Variants in MRTFB observed in about 807,000 individuals in gnomAD.
The protein encoded by MRTFB is myocardin-related transcription factor B.
In MRTFB, 29 loss-of-function variants were observed where a neutral mutation model predicts 104.2. That is an observed-to-expected ratio of 0.28 (90% CI 0.21 to 0.38). The LOEUF (loss-of-function observed/expected upper bound fraction) is 0.38, where lower values mean the gene tolerates loss of function less well. Among genes scored for constraint, MRTFB ranks in the 10% least tolerant of loss-of-function variants. MRTFB has a pLI of 1.00. For missense variants in MRTFB, 1,270 were observed against 1,341.6 expected (o/e 0.95, Z 0.83); for synonymous variants, 535 against 519.5 (o/e 1.03, Z -0.41).
intron 1 of MRTFB, among the ~76,000 whole-genome samples, chr16:14,072,979 G>C (rs902122204): frequency 9.9e-5 from 15 of 152,016 alleles, no homozygotes; most frequent in African/African-American, 3.1e-4. Flanking sequence ...GAAAATTTTT[G>C]GTTCAATATC....
intron 2 of MRTFB, among the ~76,000 whole-genome samples, chr16:14,091,072 G>C (rs771282942): frequency 1.3e-5 from 2 of 152,066 alleles, no homozygotes; most frequent in Admixed American, 1.3e-4. Flanking sequence ...GTCCAGCAGC[G>C]GGGAGGTGAT....
At chr16:14,012,299 C>CTTT in the MRTFB span, among the ~76,000 whole-genome samples, 6 of 104,594 alleles carry the variant, frequency 5.7e-5, no homozygotes, top group Admixed American at 1.0e-4. Context: ...TTCTTTCTTT[C>CTTT]TTTTTTTTTT....
chr16:14,148,450 T>A (rs2038435011), intron 3 of MRTFB, among the ~76,000 whole-genome samples: 2 of 152,220 alleles, frequency 1.3e-5, no homozygotes, highest in South Asian at 2.1e-4. Context: ...TTTTCTTTGT[T>A]ACTTAGCTTG....
chr16:14,253,319 C>T (rs1248087691), intron 15 of MRTFB, among the ~76,000 whole-genome samples: 1 of 152,204 alleles, frequency 6.6e-6, no homozygotes, highest in Non-Finnish European at 1.5e-5. Context: ...GGCCCTGACA[C>T]CGCTCCATGG....
chr16:14,021,921 G>C, the MRTFB span, among the ~76,000 whole-genome samples: 4 of 151,964 alleles, frequency 2.6e-5, no homozygotes, highest in Admixed American at 1.3e-4. Flanking sequence ...CTTATTTCCC[G>C]CCGGGTAGAT....
chr16:14,183,867 T>TAGACACAAAAATAA (rs2039851826), intron 3 of MRTFB, among the ~76,000 whole-genome samples: 1 of 152,110 alleles, frequency 6.6e-6, no homozygotes, highest in Admixed American at 6.5e-5. Flanking sequence ...TGAGATCTAT[T>TAGACACAAAAATAA]AGATACAAAA....
chr16:14,149,198 T>C (rs1301045586), intron 3 of MRTFB: 1 of 152,212 alleles, frequency 6.6e-6, no homozygotes, highest in African/African-American at 2.4e-5. Flanking sequence ...TTTTCAGCTC[T>C]TTTTAAAGCC....
chr16:14,207,739 T>A (rs1047891793), intron 3 of MRTFB, among the ~76,000 whole-genome samples: 3 of 152,212 alleles, frequency 2.0e-5, no homozygotes, highest in African/African-American at 7.2e-5. Flanking sequence ...CATTTGGCTA[T>A]CCCTGAGTTG....
At chr16:14,051,224 A>G in the MRTFB span, among the ~76,000 whole-genome samples, 1 of 152,092 alleles carries the variant, frequency 6.6e-6, no homozygotes, top group Non-Finnish European at 1.5e-5. Flanking sequence ...AAAGACACAC[A>G]CAGACACAGT....
chr16:14,166,835 T>C (rs1438172856), intron 3 of MRTFB, among the ~76,000 whole-genome samples: 1 of 152,216 alleles, frequency 6.6e-6, no homozygotes, highest in Non-Finnish European at 1.5e-5. Context: ...GCAAAGGACA[T>C]GATCTTGTTC....
chr16:14,219,774 G>GTTTA (rs1310849726), intron 8 of MRTFB, among the ~76,000 whole-genome samples: 1 of 152,132 alleles, frequency 6.6e-6, no homozygotes, highest in South Asian at 2.1e-4. Context: ...TCTGAAATAT[G>GTTTA]TTTATTTGTT....
intron 2 of MRTFB, among the ~76,000 whole-genome samples, chr16:14,122,270 G>A (rs1178222109): frequency 6.6e-6 from 1 of 150,424 alleles, no homozygotes; most frequent in Non-Finnish European, 1.5e-5. Context: ...CGTAATTTCA[G>A]TGGAATTAAT....
chr16:14,133,669 A>T (rs1464281037), intron 2 of MRTFB, among the ~76,000 whole-genome samples: 2 of 151,994 alleles, frequency 1.3e-5, no homozygotes, highest in South Asian at 2.1e-4. Flanking sequence ...AGTACAATAT[A>T]TTTTTTATCT....
intron 2 of MRTFB, among the ~76,000 whole-genome samples, chr16:14,108,767 A>T (rs2036126915): frequency 1.3e-5 from 2 of 152,202 alleles, no homozygotes; most frequent in African/African-American, 4.8e-5. Flanking sequence ...TGAACTTATT[A>T]TGTGTGTGTT....
At position 14,252,376 on chromosome 16, in the gene MRTFB, C is replaced by A. The variant is rs373411090; in HGVS notation, c.2577C>A (p.Pro859=). The change falls in exon 15 of 17, where the codon CCC becomes CCA. Residue 859 remains proline (P), a synonymous_variant. Coordinates refer to ENST00000571589, the MANE Select transcript of MRTFB (RefSeq NM_001308142.2). ...TTTATTTGACACAGCCTAGTTCACC[C>A]CCGCCACCCCAGCAATTTGTCGTCC... ...GPNTPNKPSS[P]PPPQQFVVQH... 8.1e-6 allele frequency: 13 copies of A among 1,613,130 alleles called. No individual in the cohort carries two copies. The highest frequency in any genetic ancestry group is 8.0e-5 in the African/African-American group (6 of 74,888).
chr16:14,148,373 C>T (rs1169279908), intron 3 of MRTFB, among the ~76,000 whole-genome samples: 2 of 152,166 alleles, frequency 1.3e-5, no homozygotes, highest in Non-Finnish European at 1.5e-5. Context: ...CACCTGTTCT[C>T]TACCATACCT....
At chr16:14,222,141 A>G (rs1389621823) in intron 8 of MRTFB, among the ~76,000 whole-genome samples, 1 of 152,198 alleles carries the variant, frequency 6.6e-6, no homozygotes, top group African/African-American at 2.4e-5. Context: ...GGTAACATCA[A>G]ATTTCTATAT....
chr16:14,255,617 G>A (rs2043445201), intron 15 of MRTFB, among the ~76,000 whole-genome samples: 1 of 152,168 alleles, frequency 6.6e-6, no homozygotes, highest in Admixed American at 6.5e-5. Flanking sequence ...AGATAACACT[G>A]TCTTGAGGAG....
intron 6 of MRTFB, among the ~76,000 whole-genome samples, chr16:14,216,480 G>A (rs1201358890): frequency 3.3e-5 from 5 of 152,068 alleles, no homozygotes; most frequent in African/African-American, 1.2e-4. Flanking sequence ...GTTTTACATT[G>A]GTTGTACCAA....
Sources: allele counts gnomAD v4.1 joint callset (sites outside exome capture counted in the v4.1 genomes callset), GRCh38; gene constraint gnomAD v4.1.1; transcripts MANE v1.5; gene names NCBI Gene and HGNC (gene_info 2026-07-23, HGNC 2026-07-21).